DAB1: variants seen among roughly 807,000 people sequenced by gnomAD.
DAB1 encodes disabled homolog 1.
Under a neutral mutation model 64.6 loss-of-function variants are expected in DAB1, and 15 were observed. The ratio of observed to expected loss-of-function variants is 0.23; its 90% confidence interval spans 0.16 to 0.36. The LOEUF is 0.36. DAB1 is among the 10% of genes least tolerant of loss of function. DAB1 has a pLI of 1.00. For synonymous variants in DAB1, 235 were observed against 251.9 expected (o/e 0.93, Z 0.64); for missense variants, 596 against 706.7 (o/e 0.84, Z 1.78).
intron 3 of DAB1, among the ~76,000 whole-genome samples, chr1:58,378,966 C>G (rs1644359376): frequency 7.3e-6 from 1 of 136,318 alleles, no homozygotes; most frequent in Non-Finnish European, 1.6e-5. Flanking sequence ...TCACCCCTTT[C>G]TTTGACTCGG....
At chr1:57,596,006 G>A (rs1645504678) in intron 7 of DAB1, among the ~76,000 whole-genome samples, 1 of 152,130 alleles carries the variant, frequency 6.6e-6, no homozygotes, top group Non-Finnish European at 1.5e-5. Context: ...TCTTTATAGT[G>A]ATGTAAGAAC....
At chr1:57,035,579 A>ATAGT (rs1447402645) in intron 9 of DAB1, among the ~76,000 whole-genome samples, 5 of 152,170 alleles carry the variant, frequency 3.3e-5, no homozygotes, top group Non-Finnish European at 7.3e-5. Context: ...TTGGAATCAC[A>ATAGT]TAGATATGGA....
At chr1:57,129,617 G>T (rs553453) in intron 4 of DAB1, among the ~76,000 whole-genome samples, 19,698 of 152,136 alleles carry the variant, frequency 0.13, 1,415 homozygotes, top group South Asian at 0.18. Flanking sequence ...AATCTGTCCA[G>T]AGCAATGTTC....
At chr1:57,502,206 G>A (rs1644297142) in intron 7 of DAB1, among the ~76,000 whole-genome samples, 1 of 151,360 alleles carries the variant, frequency 6.6e-6, no homozygotes, top group Non-Finnish European at 1.5e-5. Context: ...TGCAGTCCCA[G>A]CTACTCAGGA....
intron 3 of DAB1, among the ~76,000 whole-genome samples, chr1:58,449,636 G>A (rs943474790): frequency 3.9e-5 from 6 of 152,110 alleles, no homozygotes; most frequent in African/African-American, 1.4e-4. Flanking sequence ...TTCTTCAAAC[G>A]TGCCCCCTTG....
intron 5 of DAB1, among the ~76,000 whole-genome samples, chr1:58,053,419 G>A (rs1176016238): frequency 6.6e-6 from 1 of 152,172 alleles, no homozygotes; most frequent in African/African-American, 2.4e-5. Context: ...GAAAGAGGAA[G>A]CAAGGGGCTG....
intron 2 of DAB1, among the ~76,000 whole-genome samples, chr1:57,156,509 GA>G (rs1174279352): frequency 6.6e-6 from 1 of 152,058 alleles, no homozygotes; most frequent in Non-Finnish European, 1.5e-5. Flanking sequence ...CTGAATAACT[GA>G]AAAAATGATT....
chr1:57,466,400 G>GA (rs139517870), intron 7 of DAB1, among the ~76,000 whole-genome samples: 6,412 of 151,478 alleles, frequency 0.042, 209 homozygotes, highest in East Asian at 0.18. Flanking sequence ...AAACTTTGGA[G>GA]AAAAAAAAAT....
intron 2 of DAB1, among the ~76,000 whole-genome samples, chr1:57,156,197 C>T (rs1020971771): frequency 2.6e-5 from 4 of 152,148 alleles, no homozygotes; most frequent in Non-Finnish European, 5.9e-5. Context: ...AAGATCCACA[C>T]CAAGTGTCAT....
chr1:57,659,371 T>G (rs1646357641), intron 6 of DAB1, among the ~76,000 whole-genome samples: 1 of 152,200 alleles, frequency 6.6e-6, no homozygotes, highest in Non-Finnish European at 1.5e-5. Context: ...ACTTCTCAGG[T>G]CATTGCATTA....
At chr1:57,461,418 C>G (rs557185328) in intron 7 of DAB1, among the ~76,000 whole-genome samples, 15 of 152,282 alleles carry the variant, frequency 9.9e-5, no homozygotes, top group Admixed American at 9.8e-4. Flanking sequence ...GTTCTAGAAA[C>G]TGAAAGCAAT....
intron 3 of DAB1, among the ~76,000 whole-genome samples, chr1:58,389,757 C>T (rs887814656): frequency 2.6e-5 from 4 of 152,148 alleles, no homozygotes; most frequent in African/African-American, 9.7e-5. Flanking sequence ...ATAGTAAGCT[C>T]AGTGCTGGCA....
intron 3 of DAB1, among the ~76,000 whole-genome samples, chr1:58,414,805 T>G (rs754529647): frequency 2.0e-5 from 3 of 151,732 alleles, no homozygotes; most frequent in Non-Finnish European, 4.4e-5. Context: ...AAAGAAAAGG[T>G]CTTTTAATTC....
At chr1:57,774,650 T>C (rs1269778304) in intron 6 of DAB1, among the ~76,000 whole-genome samples, 1 of 151,848 alleles carries the variant, frequency 6.6e-6, no homozygotes, top group African/African-American at 2.4e-5. Context: ...TTCTTTTGTA[T>C]CTATAGCGAT....
intron 4 of DAB1, among the ~76,000 whole-genome samples, chr1:57,116,218 C>T (rs1656091701): frequency 6.6e-6 from 1 of 151,416 alleles, no homozygotes; most frequent in Admixed American, 6.6e-5. Flanking sequence ...AATCCCAGCA[C>T]TTTGGGAGGC....
At chr1:57,739,393 G>A (rs958018468) in intron 6 of DAB1, among the ~76,000 whole-genome samples, 5 of 122,618 alleles carry the variant, frequency 4.1e-5, no homozygotes, top group African/African-American at 6.2e-5. Flanking sequence ...ACCTCAGGTC[G>A]TCTATGCACC....
chr1:57,978,690 A>C (rs1570143822), intron 5 of DAB1, among the ~76,000 whole-genome samples: 2 of 152,330 alleles, frequency 1.3e-5, no homozygotes, highest in East Asian at 3.9e-4. Context: ...TAATATCCAG[A>C]ATCCACAAAG....
At chr1:58,476,226 ATT>A (rs142419016) in intron 3 of DAB1, among the ~76,000 whole-genome samples, 2 of 150,766 alleles carry the variant, frequency 1.3e-5, no homozygotes, top group African/African-American at 4.9e-5. Context: ...AATTAAAATA[ATT>A]TTTTTTTTCT....
intron 7 of DAB1, among the ~76,000 whole-genome samples, chr1:57,498,772 G>A (rs1644257705): frequency 1.3e-5 from 2 of 152,176 alleles, no homozygotes; most frequent in African/African-American, 4.8e-5. Flanking sequence ...GGAGATGTGA[G>A]GGTCTCTGGA....
Sources: allele counts gnomAD v4.1 joint callset (sites outside exome capture counted in the v4.1 genomes callset), GRCh38; gene constraint gnomAD v4.1.1; transcripts MANE v1.5; gene names NCBI Gene and HGNC (gene_info 2026-07-23, HGNC 2026-07-21).